Variants in WDR62 observed in about 807,000 individuals in gnomAD.
WDR62 encodes the protein WD repeat-containing protein 62.
WDR62 carries 112 observed loss-of-function variants against 160.6 expected under a neutral mutation model. That is an observed-to-expected ratio of 0.70 (90% CI 0.60 to 0.82). WDR62 has a LOEUF of 0.82. Among genes scored for constraint, WDR62 ranks in the 40% least tolerant of loss-of-function variants. The pLI, the probability that WDR62 is intolerant of heterozygous loss-of-function variation, is 0.00. For missense variants in WDR62, 1,819 were observed against 1,983.8 expected (o/e 0.92, Z 1.58); for synonymous variants, 792 against 815.1 (o/e 0.97, Z 0.48).
intron 1 of WDR62, among the ~76,000 whole-genome samples, chr19:36,057,296 A>AT (rs1970421399): frequency 6.6e-6 from 1 of 152,126 alleles, no homozygotes; most frequent in South Asian, 2.1e-4. Flanking sequence ...ATGACTGTGT[A>AT]TTTGGGGTAA....
chr19:36,098,451 A>G (rs571866943), intron 21 of WDR62, among the ~76,000 whole-genome samples: 1 of 151,396 alleles, frequency 6.6e-6, no homozygotes, highest in Non-Finnish European at 1.5e-5. Flanking sequence ...TATAGTCCCA[A>G]CTACTGGTAA....
intron 1 of WDR62, among the ~76,000 whole-genome samples, chr19:36,058,530 A>G (rs1035279018): frequency 2.0e-5 from 3 of 152,182 alleles, no homozygotes; most frequent in African/African-American, 7.2e-5. Flanking sequence ...CTACATACCC[A>G]TCACCAGTAG....
Position 36,071,474 on chromosome 19 carries a change from A to G in WDR62, c.883-82A>G. 4 of 1,552,780 alleles carry G rather than the reference A, an allele frequency of 2.6e-6. No individual in the cohort carries two copies. In the South Asian group the frequency reaches 4.5e-5, roughly 17 times the overall value. ...AACTGTAAGTCTTCTCTGGAGGCCT[A>G]AGGCTGCTCTGTCAGTCCCCATATC... On this transcript the variant is annotated intron_variant, in intron 7 of 31. Coordinates refer to ENST00000401500, the MANE Select transcript of WDR62 (RefSeq NM_001083961.2).
intron 20 of WDR62, among the ~76,000 whole-genome samples, chr19:36,096,355 G>A (rs1376899225): frequency 6.6e-6 from 1 of 152,068 alleles, no homozygotes; most frequent in Non-Finnish European, 1.5e-5. Context: ...CTCCCACCTC[G>A]ACCTCTCAAA....
At chr19:36,088,988 C>T in intron 13 of WDR62, 50 bp from the exon 14 acceptor site, 1 of 1,605,670 alleles carries the variant, frequency 6.2e-7, no homozygotes, top group Non-Finnish European at 8.5e-7. Context: ...CTAGGGTCCC[C>T]TGCCCATGTG....
intron 18 of WDR62, among the ~76,000 whole-genome samples, chr19:36,091,783 G>C (rs1484895143): frequency 6.6e-6 from 1 of 152,028 alleles, no homozygotes; most frequent in Non-Finnish European, 1.5e-5. Flanking sequence ...CAGCTACTCA[G>C]GAGGGGGAAG....
chr19:36,084,886 G>T, intron 12 of WDR62, 142 bp downstream of exon 12: 1 of 762,942 alleles, frequency 1.3e-6, no homozygotes, highest in Non-Finnish European at 2.2e-6. Context: ...CCTGTAGCTG[G>T]ACCCTGAGAC....
At chr19:36,101,587 C>T in intron 24 of WDR62, 77 bp from the exon 25 acceptor site, 1 of 1,161,604 alleles carries the variant, frequency 8.6e-7, no homozygotes, top group East Asian at 2.6e-5. Flanking sequence ...GAAACTGAGC[C>T]CAGGGAAGGG....
At chr19:36,083,346 G>C in intron 11 of WDR62, 105 bp downstream of exon 11, 2 of 1,144,608 alleles carry the variant, frequency 1.7e-6, no homozygotes, top group Non-Finnish European at 1.3e-6. Flanking sequence ...CTGCCCATTG[G>C]GAATGAGGGG....
At position 36,086,698 on chromosome 19, in the gene WDR62, C is replaced by G. The variant is rs777578342; in HGVS notation, c.1654C>G (p.Leu552Val). ...YSKPETGLTL[L>V]ASASRDRLIH... ...CTCTCCTCTCACAGGGCTGACCTTG[C>G]TGGCCTCAGCCAGTCGGGACCGGCT... is the stretch of plus-strand genomic sequence containing the variant. Residue 552 changes from leucine (L) to valine (V), a missense_variant, in exon 13 of 32, where the codon CTG (leucine) becomes GTG (valine). Physicochemically the swap from Leu to Val is conservative, Grantham distance 32 (BLOSUM62 1). This residue lies in a region of WDR62 where 934 missense variants were observed against 1,157.2 expected (regional missense o/e 0.81). Transcript: ENST00000401500. 6.2e-7 allele frequency: 1 copy of G among 1,602,488 alleles called. No homozygotes were observed. Among genetic ancestry groups the G allele is most frequent in the Non-Finnish European group, 8.5e-7 (1 of 1,173,918 alleles).
intron 7 of WDR62, chr19:36,070,527 G>T (rs1971241038): frequency 6.6e-6 from 1 of 152,218 alleles, no homozygotes; most frequent in Admixed American, 6.5e-5. Flanking sequence ...TTCCCATCTG[G>T]AATCAGTTGC....
At chr19:36,093,587 T>G (rs1300852940) in intron 19 of WDR62, among the ~76,000 whole-genome samples, 1 of 152,086 alleles carries the variant, frequency 6.6e-6, no homozygotes, top group African/African-American at 2.4e-5. Context: ...GGTCCTGAGG[T>G]CCTGAGGTGG....
At position 36,091,330 on chromosome 19, in the gene WDR62, TTG is replaced by T. The variant is rs1568356623; in HGVS notation, c.2146+20_2146+21del. The T allele has an allele frequency of 6.2e-7, 1 of 1,613,352 alleles. No homozygotes were observed. The highest frequency in any genetic ancestry group is 1.1e-5 in the South Asian group (1 of 91,056). On this transcript the variant is annotated intron_variant, in intron 17 of 31. Coordinates refer to ENST00000401500, the MANE Select transcript of WDR62 (RefSeq NM_001083961.2). ...CATTCAGGTGGGTGTGCCTCTCTGC[TTG>T]GGATGCCTCCCCACCCGCCCACACC...
chr19:36,068,511 G>A lies in WDR62; in HGVS notation c.882+501G>A, dbSNP rs921737214. Among the ~76,000 whole-genome samples, 5 of 152,204 alleles carry A rather than the reference G, an allele frequency of 3.3e-5. No individual in the cohort carries two copies. The East Asian group carries it at 7.7e-4, about 23-fold the overall frequency. On this transcript the variant is annotated intron_variant, in intron 7 of 31. Coordinates refer to ENST00000401500, the MANE Select transcript of WDR62 (RefSeq NM_001083961.2). ...TAGGCAGAGGACCCTGCGGGCTTCC[G>A]CAGTGTTTGTGTCCCTGGGTACTTG...
Position 36,059,959 on chromosome 19 carries a change from TCTTCC to T in WDR62, c.270-7_270-3del. The stretch of plus-strand genomic sequence containing the variant: ...CACAGTTGAGGCACATTTTCCTCTT[TCTTCC>T]CAGCTGTGTGGTGGTGATTTTGGAC... On this transcript the variant is annotated splice_polypyrimidine_tract_variant and splice_region_variant and intron_variant, in intron 2 of 31. Transcript: ENST00000401500. 6.2e-7 allele frequency: 1 copy of T among 1,614,204 alleles called. No homozygotes were observed. The highest frequency in any genetic ancestry group is 8.5e-7 in the Non-Finnish European group (1 of 1,180,046).
intron 5 of WDR62, among the ~76,000 whole-genome samples, 191 bp downstream of exon 5, chr19:36,066,618 A>T (rs1970957351): frequency 6.6e-6 from 1 of 152,238 alleles, no homozygotes; most frequent in Non-Finnish European, 1.5e-5. Flanking sequence ...TAGAAGCATT[A>T]TACATATTTT....
Position 36,077,199 on chromosome 19 carries a change from A to G in WDR62, c.1233+3668A>G, listed in dbSNP as rs533477556. Among the ~76,000 whole-genome samples, 22 of 151,484 alleles carry G rather than the reference A, an allele frequency of 1.5e-4. No individual in the cohort carries two copies. In the East Asian group the frequency reaches 3.9e-3, roughly 27 times the overall value. On this transcript the variant is annotated intron_variant, in intron 9 of 31. Transcript: ENST00000401500. ...ACTCCCCCCATCCATGGAAATGACTAATCTGCTTCTGTCTTTATGGATTTG... is the reference window on the plus strand; with the variant it reads ...ACTCCCCCCATCCATGGAAATGACTGATCTGCTTCTGTCTTTATGGATTTG...
At chr19:36,070,070 T>A (rs1427939074) in intron 7 of WDR62, among the ~76,000 whole-genome samples, 1 of 146,168 alleles carries the variant, frequency 6.8e-6, no homozygotes, top group East Asian at 2.0e-4. Context: ...TTGCATTTTT[T>A]AAAAATTGGA....
chr19:36,062,938 T>C (rs111268772), intron 3 of WDR62, among the ~76,000 whole-genome samples: 3 of 150,650 alleles, frequency 2.0e-5, no homozygotes, highest in Admixed American at 6.6e-5. Flanking sequence ...TTTCTTGACT[T>C]TCAGGATCTT....
Sources: allele counts gnomAD v4.1 joint callset (sites outside exome capture counted in the v4.1 genomes callset), GRCh38; gene constraint gnomAD v4.1.1; regional missense constraint gnomAD v4.1.1; transcripts MANE v1.5; gene names NCBI Gene and HGNC (gene_info 2026-07-23, HGNC 2026-07-21).